The following CTSW variants were observed in gnomAD, a reference collection of about 807,000 sequenced individuals.
The protein encoded by CTSW is cathepsin W.
Under a neutral mutation model 43.8 loss-of-function variants are expected in CTSW, and 42 were observed. That is an observed-to-expected ratio of 0.96 (90% CI 0.75 to 1.24). CTSW has a LOEUF of 1.24. Ranked by LOEUF, CTSW falls within the 50% of genes most tolerant of loss-of-function variation. The pLI, the probability that CTSW is intolerant of heterozygous loss-of-function variation, is 0.00. For missense variants in CTSW, 475 were observed against 479.9 expected (o/e 0.99, Z 0.09); for synonymous variants, 191 against 184.8 (o/e 1.03, Z -0.27).
chr11:65,880,781 T>G (rs1049726337), intron 2 of CTSW, among the ~76,000 whole-genome samples: 6 of 152,162 alleles, frequency 3.9e-5, no homozygotes, highest in Admixed American at 3.3e-4. Flanking sequence ...TGGAGGGCAG[T>G]GGCAGGAGGT....
chr11:65,883,343 A>ATCGCAG lies in CTSW; in HGVS notation c.942_947dup (p.Ser316_Gln317dup). On this transcript the variant is annotated inframe_insertion, in exon 9 of 10. Transcript: ENST00000307886. ...AGGGGATATGGGCAGAGACAGTCTC[A>ATCGCAG]TCGCAGTCTCAGCCTCAGCCTCCAC... is the stretch of plus-strand genomic sequence containing the variant. The ATCGCAG allele has an allele frequency of 6.2e-7, 1 of 1,614,090 alleles. No homozygotes were observed.
intron 5 of CTSW, 33 bp downstream of exon 5, chr11:65,882,559 G>A (rs972899188): frequency 1.9e-6 from 3 of 1,614,148 alleles, no homozygotes; most frequent in East Asian, 4.5e-5. Flanking sequence ...GTGTGACAGG[G>A]GAGGGAGGCC....
At position 65,883,252 on chromosome 11, in the gene CTSW, C is replaced by T. The variant is rs1182170745; in HGVS notation, c.848C>T (p.Thr283Ile). 2 of 1,613,952 alleles carry T rather than the reference C, an allele frequency of 1.2e-6. No homozygotes were observed. The highest frequency in any genetic ancestry group is 2.2e-5 in the East Asian group (1 of 44,874). The change falls in exon 9 of 10, where the codon ACC becomes ATC. Residue 283 changes from threonine to isoleucine, a missense_variant. Coordinates refer to ENST00000307886, the MANE Select transcript of CTSW (RefSeq NM_001335.4). Reference protein sequence around the residue: ...RKGVIKATPTTCDPQLVDHSV... With the variant: ...RKGVIKATPTICDPQLVDHSV... ...GGTGTGATCAAGGCCACACCCACCA[C>T]CTGTGACCCCCAGCTTGTGGACCAC...
chr11:65,883,097 C>A lies in CTSW; in HGVS notation c.774C>A (p.Gly258=). 1.9e-6 allele frequency: 3 copies of A among 1,614,112 alleles called. No homozygotes were observed. Among genetic ancestry groups the A allele is most frequent in the Non-Finnish European group, 2.5e-6 (3 of 1,180,018 alleles). Residue 258 remains glycine (G), a synonymous_variant, in exon 8 of 10, where the codon GGC becomes GGA. Coordinates refer to ENST00000307886, the MANE Select transcript of CTSW (RefSeq NM_001335.4). ...HRIAQYLATY[G]PITVTINMKP... is the part of the protein sequence containing the mutation. ...TTGCGCAGTACCTGGCCACTTATGG[C>A]CCCATCACCGTGACCATCAACATGA...
rs752002972 is a variant in CTSW, at chr11:65,880,254, T to A, written c.140T>A (p.Ile47Asn). 6.2e-7 allele frequency: 1 copy of A among 1,613,590 alleles called. No homozygotes were observed. The highest frequency in any genetic ancestry group is 1.1e-5 in the South Asian group (1 of 91,054). Residue 47 changes from isoleucine to asparagine, a missense_variant, in exon 2 of 10, where the codon ATC (isoleucine) becomes AAC (asparagine). Physicochemically the swap from Ile to Asn is moderately radical, Grantham distance 149. Transcript: ENST00000307886. Reference sequence around the variant, plus strand: ...AAAGAGGCCTTCAAGTTGTTCCAGATCCAGTTCAACCGGAGTTACCTGAGC... The same window carrying A: ...AAAGAGGCCTTCAAGTTGTTCCAGAACCAGTTCAACCGGAGTTACCTGAGC... ...ELKEAFKLFQ[I>N]QFNRSYLSPE...
In CTSW at chr11:65,882,852, C is replaced by A. The variant is rs750480993; in HGVS notation, c.693C>A (p.Tyr231Ter). ...CCCACAGGTGCCACCCCAAGAAGTA[C>A]CAGAAGGTGGCCTGGATCCAGGACT... Reference protein sequence around the residue: ...VRAHRCHPKKYQKVAWIQDFI... With the variant: ...VRAHRCHPKK Residue 231 changes from tyrosine (Y) to a stop codon, truncating the protein, a stop_gained, in exon 7 of 10, where the codon TAC becomes TAA. Transcript: ENST00000307886. LOFTEE classifies it high-confidence loss of function. The A allele has an allele frequency of 1.2e-6, 2 of 1,614,128 alleles. No individual in the cohort carries two copies. The highest frequency in any genetic ancestry group is 3.3e-5 in the Admixed American group (2 of 60,012).
At chr11:65,883,187 T>C in intron 8 of CTSW, 28 bp from the exon 9 acceptor site, 2 of 1,613,414 alleles carry the variant, frequency 1.2e-6, no homozygotes, top group Non-Finnish European at 8.5e-7. Context: ...GGCCCCACAC[T>C]CAGCCCCTCG....
At chr11:65,880,344 G>A (rs1301408523) in intron 2 of CTSW, 58 bp downstream of exon 2, 18 of 1,366,634 alleles carry the variant, frequency 1.3e-5, no homozygotes, top group African/African-American at 2.9e-5. Context: ...TTTTTGAGAC[G>A]GAGTTTCACT....
At position 65,879,937 on chromosome 11, in the gene CTSW, C is replaced by T; in HGVS notation, c.83C>T (p.Ala28Val). 5.6e-6 allele frequency: 9 copies of T among 1,612,136 alleles called. No individual in the cohort carries two copies. Among genetic ancestry groups the T allele is most frequent in the Non-Finnish European group, 7.6e-6 (9 of 1,179,086 alleles). ...LAQGIRGPLR[A>V]QDLGPQPLEL... ...CAAGGCATCAGAGGCCCCCTTAGGG[C>T]CCAGGTAAGTGCTCCCAAACCCTTA... Residue 28 changes from alanine to valine, a missense_variant, in exon 1 of 10, where the codon GCC (alanine) becomes GTC (valine). By Grantham distance (64) the Ala-to-Val change is moderately conservative. Coordinates refer to ENST00000307886, the MANE Select transcript of CTSW (RefSeq NM_001335.4).
At position 65,882,227 on chromosome 11, in the gene CTSW, C is replaced by T. The variant is rs1168697468; in HGVS notation, c.339C>T (p.Pro113=). The change falls in exon 4 of 10, where the codon CCC becomes CCT. Residue 113 remains proline, a synonymous_variant. Coordinates refer to ENST00000307886, the MANE Select transcript of CTSW (RefSeq NM_001335.4). ...ATCGGAGGGCAGCTGGAGGGGTCCC[C>T]AGCATGGGCAGAGAAATAAGGTCTG... ...YGYRRAAGGV[P]SMGREIRSEE... 2.3e-5 allele frequency: 37 copies of T among 1,614,042 alleles called. No homozygotes were observed. The highest frequency in any genetic ancestry group is 3.0e-5 in the Non-Finnish European group (35 of 1,180,046).
rs1360663315 is a variant in CTSW, at chr11:65,882,315, C to T, written c.427C>T (p.Pro143Ser). ...GCGGAAGGTGGCCAGCGCCATCTCA[C>T]CCATCAAGGACCAGGTATCTGCCGC... ...DWRKVASAIS[P>S]IKDQKNCNCC... Residue 143 changes from proline (P) to serine (S), a missense_variant, in exon 4 of 10, where the codon CCC (proline) becomes TCC (serine). Transcript: ENST00000307886. 2 of 1,613,958 alleles carry T rather than the reference C, an allele frequency of 1.2e-6. No individual in the cohort carries two copies. The highest frequency in any genetic ancestry group is 2.7e-5 in the African/African-American group (2 of 74,918).
At chr11:65,883,191 C>A in intron 8 of CTSW, 24 bp from the exon 9 acceptor site, 3 of 1,613,612 alleles carry the variant, frequency 1.9e-6, no homozygotes, top group Non-Finnish European at 2.5e-6. Flanking sequence ...CCACACTCAG[C>A]CCCTCGGCCC....
At chr11:65,881,559 A>G in intron 3 of CTSW, 39 bp downstream of exon 3, 1 of 1,418,262 alleles carries the variant, frequency 7.1e-7, no homozygotes, top group Non-Finnish European at 9.8e-7. Flanking sequence ...GGTGGTTGGG[A>G]AGCGATCTCC....
At position 65,880,212 on chromosome 11, in the gene CTSW, C is replaced by G; in HGVS notation, c.98C>G (p.Pro33Arg). The G allele has an allele frequency of 6.2e-7, 1 of 1,614,172 alleles. No individual in the cohort carries two copies. The highest frequency in any genetic ancestry group is 8.5e-7 in the Non-Finnish European group (1 of 1,179,990). ...RGPLRAQDLGPQPLELKEAFK... is the reference protein window; with the variant it reads ...RGPLRAQDLGRQPLELKEAFK... Reference sequence around the variant, plus strand: ...TTGGTTCCTTGCCAGGACCTAGGTCCCCAGCCGCTAGAGCTGAAAGAGGCC... The same window carrying G: ...TTGGTTCCTTGCCAGGACCTAGGTCGCCAGCCGCTAGAGCTGAAAGAGGCC... Residue 33 changes from proline (P) to arginine (R), a missense_variant, in exon 2 of 10, where the codon CCC (proline) becomes CGC (arginine). By Grantham distance (103) the Pro-to-Arg change is moderately radical. Transcript: ENST00000307886.
At position 65,882,909 on chromosome 11, in the gene CTSW, G is replaced by A. The variant is rs200255094; in HGVS notation, c.745+5G>A. On this transcript the variant is annotated splice_donor_5th_base_variant and intron_variant, in intron 7 of 9. Coordinates refer to ENST00000307886, the MANE Select transcript of CTSW (RefSeq NM_001335.4). ...TGCTGCAGAACAACGAGCACAGTGC[G>A]GGCAGGGCAGGGACACGGGCGGATG... 1.2e-5 allele frequency: 20 copies of A among 1,613,822 alleles called. No homozygotes were observed. The highest frequency in any genetic ancestry group is 4.4e-5 in the South Asian group (4 of 91,064).
At chr11:65,882,404 C>A in intron 4 of CTSW, 26 bp from the exon 5 acceptor site, 1 of 1,613,916 alleles carries the variant, frequency 6.2e-7, no homozygotes. Context: ...GAACACCTAG[C>A]CCCGCCCCAC....
chr11:65,883,412 A>G lies in CTSW; in HGVS notation c.1008A>G (p.Gln336=), dbSNP rs35841983. The part of the protein sequence containing the change: ...YWILKNSWGA[Q]WGEKGYFRLH... ...TCCTGAAGAACTCCTGGGGGGCCCA[A>G]TGGGGAGAGAAGGTGAGTGTGATCT... The change falls in exon 9 of 10, where the codon CAA becomes CAG. Residue 336 remains glutamine (Q), a synonymous_variant. Transcript: ENST00000307886. The G allele has an allele frequency of 0.027, 43,606 of 1,613,954 alleles. 695 individuals are homozygous for G. The highest frequency in any genetic ancestry group is 0.032 in the Non-Finnish European group (37,896 of 1,179,966).
At position 65,879,861 on chromosome 11, in the gene CTSW, C is replaced by T. The variant is rs1860083513; in HGVS notation, c.7C>T (p.Leu3=). 3.1e-6 allele frequency: 5 copies of T among 1,613,844 alleles called. No individual in the cohort carries two copies. The highest frequency in any genetic ancestry group is 4.2e-6 in the Non-Finnish European group (5 of 1,179,926). ...CACTCCAGACTGCACCGGCATGGCACTGACTGCCCACCCCTCCTGCCTCCT... is the reference window on the plus strand; with the variant it reads ...CACTCCAGACTGCACCGGCATGGCATTGACTGCCCACCCCTCCTGCCTCCT... MA[L]TAHPSCLLAL... is the part of the protein sequence containing the mutation. Residue 3 remains leucine (L), a synonymous_variant, in exon 1 of 10, where the codon CTG becomes TTG. Transcript: ENST00000307886.
chr11:65,881,349 C>T (rs1409797663), intron 2 of CTSW, 58 bp from the exon 3 acceptor site: 1 of 1,264,766 alleles, frequency 7.9e-7, no homozygotes, highest in East Asian at 2.7e-5. Flanking sequence ...CAGCCAGCGG[C>T]TACTTCCTGC....
Sources: allele counts gnomAD v4.1 joint callset (sites outside exome capture counted in the v4.1 genomes callset), GRCh38; gene constraint gnomAD v4.1.1; transcripts MANE v1.5; gene names NCBI Gene and HGNC (gene_info 2026-07-23, HGNC 2026-07-21).